CDH12: variants seen among roughly 807,000 people sequenced by gnomAD.
CDH12 encodes the protein cadherin 12.
CDH12 carries 41 observed loss-of-function variants against 74.1 expected under a neutral mutation model. The observed-to-expected ratio is 0.55, with a 90% confidence interval of 0.43 to 0.72. The LOEUF (loss-of-function observed/expected upper bound fraction) is 0.72. Among genes scored for constraint, CDH12 ranks in the 30% least tolerant of loss-of-function variants. CDH12 has a pLI of 0.00. For synonymous variants in CDH12, 399 were observed against 355.0 expected (o/e 1.12, Z -1.39); for missense variants, 945 against 977.2 (o/e 0.97, Z 0.44).
At chr5:22,135,400 T>C (rs1746404718) in intron 4 of CDH12, among the ~76,000 whole-genome samples, 1 of 151,994 alleles carries the variant, frequency 6.6e-6, no homozygotes, top group South Asian at 2.1e-4. Flanking sequence ...TCAAGGTGAA[T>C]ACTGATCAAG....
At chr5:22,275,419 T>A (rs1736590618) in intron 3 of CDH12, among the ~76,000 whole-genome samples, 1 of 152,268 alleles carries the variant, frequency 6.6e-6, no homozygotes, top group East Asian at 1.9e-4. Context: ...ACATTTAATT[T>A]TTTAGTGAAC....
rs762737475 is a variant in CDH12 at position 22,732,467 on chromosome 5, T to TACAC, written c.-523+120590_-523+120591insGTGT. On this transcript the variant is annotated intron_variant, in intron 1 of 14. Transcript: ENST00000382254. ...ATGTGAATGTGTGTGTATATATATA[T>TACAC]ATATACACACACACACACACACACA... Among the ~76,000 whole-genome samples, 328 of 139,824 alleles carry TACAC rather than the reference T, an allele frequency of 2.3e-3. 2 individuals carry two copies. The highest frequency in any genetic ancestry group is 3.4e-3 in the East Asian group (17 of 4,936). 91.7% of individuals were successfully genotyped at this position (139,824 alleles called of 152,430 possible).
At chr5:22,391,287 T>G (rs1742237420) in intron 3 of CDH12, among the ~76,000 whole-genome samples, 1 of 152,114 alleles carries the variant, frequency 6.6e-6, no homozygotes, top group Admixed American at 6.6e-5. Flanking sequence ...AAGTGATTGC[T>G]CAAAACTCAA....
At chr5:22,370,028 G>T (rs1293443127) in intron 3 of CDH12, among the ~76,000 whole-genome samples, 1 of 152,000 alleles carries the variant, frequency 6.6e-6, no homozygotes, top group Non-Finnish European at 1.5e-5. Context: ...CAAGTATATT[G>T]TTCCTGGATT....
At chr5:22,735,950 T>A (rs1484977205) in intron 1 of CDH12, among the ~76,000 whole-genome samples, 1 of 151,866 alleles carries the variant, frequency 6.6e-6, no homozygotes, top group Non-Finnish European at 1.5e-5. Context: ...GATCAATGAC[T>A]ACGTCTCTGA....
At chr5:22,245,638 A>G (rs1752919884) in intron 3 of CDH12, among the ~76,000 whole-genome samples, 1 of 151,836 alleles carries the variant, frequency 6.6e-6, no homozygotes, top group African/African-American at 2.4e-5. Flanking sequence ...ATAAATCTGT[A>G]GTTCATATAT....
intron 1 of CDH12, among the ~76,000 whole-genome samples, chr5:22,507,772 C>T (rs1392917515): frequency 6.6e-6 from 1 of 152,130 alleles, no homozygotes; most frequent in African/African-American, 2.4e-5. Context: ...GAAACTTATC[C>T]TCTCACAGTT....
intron 6 of CDH12, among the ~76,000 whole-genome samples, chr5:21,910,805 C>G (rs1718927578): frequency 6.6e-6 from 1 of 152,006 alleles, no homozygotes; most frequent in South Asian, 2.1e-4. Flanking sequence ...ACAACAAAAG[C>G]CATCCCCTCT....
chr5:22,144,011 A>T (rs1040930268), intron 4 of CDH12: 1 of 152,058 alleles, frequency 6.6e-6, no homozygotes, highest in African/African-American at 2.4e-5. Flanking sequence ...AGATTCTCAG[A>T]ATGTTTATTG....
At chr5:22,503,479 A>G (rs1175013607) in intron 2 of CDH12, among the ~76,000 whole-genome samples, 2 of 152,044 alleles carry the variant, frequency 1.3e-5, no homozygotes, top group Admixed American at 6.6e-5. Context: ...CTATTTTGTT[A>G]TAGCATTCCA....
At chr5:22,740,401 C>T (rs1167320235) in intron 1 of CDH12, among the ~76,000 whole-genome samples, 2 of 151,550 alleles carry the variant, frequency 1.3e-5, no homozygotes, top group African/African-American at 4.8e-5. Context: ...AACATATCTT[C>T]TCCAGTTATA....
At chr5:22,410,144 C>A (rs949866785) in intron 2 of CDH12, among the ~76,000 whole-genome samples, 8 of 151,966 alleles carry the variant, frequency 5.3e-5, no homozygotes, top group African/African-American at 1.9e-4. Flanking sequence ...GCCACAGAAG[C>A]AAAAGTTTAT....
chr5:22,763,414 T>C (rs1378106724), intron 1 of CDH12, among the ~76,000 whole-genome samples: 2 of 151,970 alleles, frequency 1.3e-5, no homozygotes, highest in African/African-American at 2.4e-5. Context: ...GATTATCATG[T>C]ACATAATTTA....
At chr5:21,966,582 T>C (rs530113752) in intron 6 of CDH12, among the ~76,000 whole-genome samples, 2 of 152,250 alleles carry the variant, frequency 1.3e-5, no homozygotes, top group East Asian at 3.9e-4. Flanking sequence ...GTCACGTAGG[T>C]ATTGATGAAT....
intron 1 of CDH12, among the ~76,000 whole-genome samples, chr5:22,601,871 A>G (rs1199487866): frequency 6.6e-6 from 1 of 152,046 alleles, no homozygotes. Flanking sequence ...GATATACTAC[A>G]CTGAAGAACA....
chr5:22,428,102 C>T (rs1324730267), intron 2 of CDH12, among the ~76,000 whole-genome samples: 1 of 151,908 alleles, frequency 6.6e-6, no homozygotes, highest in Non-Finnish European at 1.5e-5. Flanking sequence ...CCATGTATAA[C>T]AGCTTTCTTT....
intron 4 of CDH12, among the ~76,000 whole-genome samples, chr5:22,186,032 T>G (rs984878581): frequency 6.6e-6 from 1 of 152,226 alleles, no homozygotes; most frequent in Non-Finnish European, 1.5e-5. Flanking sequence ...TAAGTACACC[T>G]GACAGAATTG....
chr5:22,151,885 T>C (rs956461175), intron 4 of CDH12: 5 of 152,148 alleles, frequency 3.3e-5, no homozygotes, highest in African/African-American at 1.2e-4. Flanking sequence ...TGTCAACTTT[T>C]GAAAACAGAT....
intron 1 of CDH12, among the ~76,000 whole-genome samples, chr5:22,729,383 G>T (rs1165372297): frequency 6.6e-6 from 1 of 151,756 alleles, no homozygotes; most frequent in African/African-American, 2.4e-5. Flanking sequence ...TTCAGCTTCT[G>T]CTTTTAAGGG....
Sources: gnomAD v4.1 joint callset for allele counts (sites outside exome capture counted in the v4.1 genomes callset) on GRCh38, gnomAD v4.1.1 for gene constraint, MANE v1.5 for transcripts, NCBI Gene and HGNC (gene_info 2026-07-23, HGNC 2026-07-21) for gene names.